The following CEP112 variants were observed in gnomAD, a reference collection of about 807,000 sequenced individuals.
CEP112 encodes the protein centrosomal protein 112, also known as centrosomal protein of 112 kDa.
In CEP112, 127 loss-of-function variants were observed where a neutral mutation model predicts 153.0. The observed-to-expected ratio is 0.83, with a 90% CI of 0.72 to 0.96. CEP112 has a LOEUF of 0.96. CEP112 is among the 40% of genes least tolerant of loss of function. CEP112 has a pLI of 0.00. For synonymous variants in CEP112, 358 were observed against 374.4 expected, an observed-to-expected ratio of 0.96 and a Z score of 0.51; for missense variants, 1,089 against 1,101.2, an observed-to-expected ratio of 0.99 and a Z score of 0.16.
At chr17:65,987,275 A>G (rs540969769) in intron 17 of CEP112, among the ~76,000 whole-genome samples, 6 of 152,124 alleles carry the variant, frequency 3.9e-5, no homozygotes, top group Admixed American at 2.6e-4. Context: ...AGAAGCAAAA[A>G]TGCAGAGCAC....
intron 6 of CEP112, among the ~76,000 whole-genome samples, chr17:66,101,022 T>C (rs2068547767): frequency 6.6e-6 from 1 of 152,160 alleles, no homozygotes; most frequent in Non-Finnish European, 1.5e-5. Context: ...CTCTTGATAC[T>C]GAGAGATGAC....
intron 24 of CEP112, among the ~76,000 whole-genome samples, chr17:65,643,417 C>A (rs1307768806): frequency 6.6e-6 from 1 of 152,024 alleles, no homozygotes; most frequent in East Asian, 1.9e-4. Context: ...CTTGCCTCAG[C>A]CTCCTGAGTA....
At chr17:65,853,685 G>A (rs1052243374) in intron 20 of CEP112, among the ~76,000 whole-genome samples, 16 of 149,766 alleles carry the variant, frequency 1.1e-4, no homozygotes, top group South Asian at 4.2e-4. Flanking sequence ...CTGAAATTGC[G>A]CCACTGCACT....
rs534688359 is a variant in CEP112 at position 65,677,265 on chromosome 17, C to A, written c.2697+11864G>T. Among the ~76,000 whole-genome samples the A allele has an allele frequency of 3.3e-4, 50 of 152,134 alleles. 3 individuals are homozygous for A. Among genetic ancestry groups the A allele is most frequent in the Non-Finnish European group, 1.5e-4 (10 of 68,036 alleles). On this transcript the variant is annotated intron_variant, in intron 24 of 26. Transcript: ENST00000535342. ...TATAATAGAAGTTCCTAGAGTATAA[C>A]CACATTTTCTATGCTATTTGTATAT...
Position 66,022,711 on chromosome 17 carries a change from G to GGAAAAAA in CEP112, c.1656+4789_1656+4790insTTTTTTC, listed in dbSNP as rs60618756. Among the ~76,000 whole-genome samples, 2 of 127,052 alleles carry GGAAAAAA rather than the reference G, an allele frequency of 1.6e-5. 1 individual carries two copies. 83.4% of individuals were successfully genotyped at this position (127,052 alleles called of 152,430 possible). On this transcript the variant is annotated intron_variant, in intron 16 of 26. Coordinates refer to ENST00000535342, the MANE Select transcript of CEP112 (RefSeq NM_001199165.4). Reference sequence around the variant, plus strand: ...ATGACAGAACGAGACTCCGCCTCAAGAAAAAAAAAAAAAAAAAGAAATGCC... The same window carrying GGAAAAAA: ...ATGACAGAACGAGACTCCGCCTCAAGGAAAAAAAAAAAAAAAAAAAAAAAGAAATGCC...
At chr17:66,101,202 A>G (rs1008712379) in intron 6 of CEP112, among the ~76,000 whole-genome samples, 1 of 152,164 alleles carries the variant, frequency 6.6e-6, no homozygotes, top group African/African-American at 2.4e-5. Flanking sequence ...ATGAAAAATG[A>G]AAAGTATGTA....
At chr17:65,937,387 G>A (rs1294492617) in intron 18 of CEP112, among the ~76,000 whole-genome samples, 1 of 117,448 alleles carries the variant, frequency 8.5e-6, no homozygotes, top group East Asian at 4.7e-4. Context: ...TCTCTGCCCG[G>A]CTGCCCATCG....
At chr17:65,742,123 T>A (rs1367200718) in intron 23 of CEP112, among the ~76,000 whole-genome samples, 1 of 151,902 alleles carries the variant, frequency 6.6e-6, no homozygotes, top group Non-Finnish European at 1.5e-5. Context: ...AGGGAATATA[T>A]AAAAAGCAAC....
intron 8 of CEP112, among the ~76,000 whole-genome samples, chr17:66,087,346 G>T (rs1160114808): frequency 6.6e-6 from 1 of 151,876 alleles, no homozygotes; most frequent in African/African-American, 2.4e-5. Flanking sequence ...ATTATTTATG[G>T]TAAGCAGTCT....
chr17:65,661,932 A>ATGTG (rs577242948), intron 24 of CEP112: 1 of 145,780 alleles, frequency 6.9e-6, no homozygotes, highest in Admixed American at 6.9e-5. Flanking sequence ...GAATATATAT[A>ATGTG]TGTGTGTGTG....
intron 4 of CEP112, among the ~76,000 whole-genome samples, chr17:66,162,746 G>A (rs1214235470): frequency 6.6e-6 from 1 of 152,100 alleles, no homozygotes; most frequent in African/African-American, 2.4e-5. Flanking sequence ...TCTTCAAGAG[G>A]TGATAAATGA....
chr17:65,961,735 G>T lies in CEP112; in HGVS notation c.1737-137C>A, dbSNP rs2062211663. 5.3e-6 allele frequency: 4 copies of T among 749,806 alleles called. No individual in the cohort carries two copies. In the South Asian group the frequency reaches 1.0e-4, roughly 19 times the overall value. 46.4% of individuals were successfully genotyped at this position (749,806 alleles called of 1,614,324 possible). ...CCAAATCCTACAAAACTTCCCTTTA[G>T]AAATTTGACAATAAACTAATTTGTC... On this transcript the variant is annotated intron_variant, in intron 17 of 26. Transcript: ENST00000535342.
rs779356668 is a variant in CEP112 at position 65,902,208 on chromosome 17, C to T, written c.2107G>A (p.Ala703Thr). 5.6e-6 allele frequency: 9 copies of T among 1,613,838 alleles called. No individual in the cohort carries two copies. The highest frequency in any genetic ancestry group is 5.5e-5 in the South Asian group (5 of 91,064). The change falls in exon 20 of 27, where the codon GCT becomes ACT. Residue 703 changes from alanine (A) to threonine (T), a missense_variant. Coordinates refer to ENST00000535342, the MANE Select transcript of CEP112 (RefSeq NM_001199165.4). ...EIENLEKQLR[A>T]ANMEHENQIQ... ...TGATTTTCGTGCTCCATATTGGCAG[C>T]GCGAAGCTGTTTTTCCAGGTTTTCA...
At chr17:65,858,822 A>C (rs776823912) in intron 20 of CEP112, among the ~76,000 whole-genome samples, 19 of 152,338 alleles carry the variant, frequency 1.2e-4, no homozygotes, top group Middle Eastern at 3.4e-3. Flanking sequence ...TTTAAATGTT[A>C]TGAACTTATT....
At chr17:65,945,460 T>C (rs1232687215) in intron 18 of CEP112, among the ~76,000 whole-genome samples, 2 of 152,204 alleles carry the variant, frequency 1.3e-5, no homozygotes, top group East Asian at 1.9e-4. Context: ...TATTGTCAAA[T>C]AGTTTTCCAA....
intron 4 of CEP112, among the ~76,000 whole-genome samples, chr17:66,174,796 C>T (rs1365338355): frequency 1.3e-5 from 2 of 151,988 alleles, no homozygotes; most frequent in African/African-American, 4.8e-5. Context: ...GTATGCTTGT[C>T]ATAAAGGAAA....
At chr17:66,129,014 A>G (rs1409951654) in intron 6 of CEP112, among the ~76,000 whole-genome samples, 1 of 152,182 alleles carries the variant, frequency 6.6e-6, no homozygotes, top group East Asian at 1.9e-4. Flanking sequence ...AATAAAACAT[A>G]TTCTAAAATC....
intron 17 of CEP112, among the ~76,000 whole-genome samples, chr17:65,976,746 T>C (rs1439119703): frequency 6.8e-6 from 1 of 147,498 alleles, no homozygotes; most frequent in African/African-American, 2.5e-5. Flanking sequence ...TTTTTTTTTT[T>C]TTTTTTTTGA....
intron 21 of CEP112, among the ~76,000 whole-genome samples, chr17:65,787,825 A>C (rs1268936569): frequency 2.6e-5 from 4 of 152,138 alleles, no homozygotes; most frequent in Non-Finnish European, 5.9e-5. Context: ...CTTAGGTTTT[A>C]TGTATAGATT....
Sources: gnomAD v4.1 joint callset for allele counts (sites outside exome capture counted in the v4.1 genomes callset) on GRCh38, gnomAD v4.1.1 for gene constraint, MANE v1.5 for transcripts, NCBI Gene and HGNC (gene_info 2026-07-23, HGNC 2026-07-21) for gene names.